UGT2A2: variants seen among roughly 807,000 people sequenced by gnomAD.
The protein encoded by UGT2A2 is UDP glucuronosyltransferase family 2 member A2.
A neutral mutation model predicts 50.7 loss-of-function variants in UGT2A2; 60 were observed. That is an observed-to-expected ratio of 1.18 (90% CI 0.96 to 1.47). The LOEUF is 1.47. Ranked by LOEUF, UGT2A2 falls within the 40% of genes most tolerant of loss-of-function variation. The probability of loss-of-function intolerance (pLI) is 0.00; values close to 1 mark genes in which losing one functional copy is unlikely to be tolerated. For synonymous variants in UGT2A2, 242 were observed against 214.6 expected (o/e 1.13, Z -1.11); for missense variants, 762 against 634.0 (o/e 1.20, Z -2.17).
chr4:69,636,632 A>G (rs1721726687), intron 1 of UGT2A2, among the ~76,000 whole-genome samples: 1 of 152,168 alleles, frequency 6.6e-6, no homozygotes, highest in African/African-American at 2.4e-5. Context: ...AAGGTTTAGT[A>G]CATACCAGAA....
chr4:69,589,218 A>C lies in UGT2A2; in HGVS notation c.*154T>G, dbSNP rs1294617098. The C allele has an allele frequency of 4.1e-6, 4 of 977,288 alleles. No individual in the cohort carries two copies. In the East Asian group the frequency reaches 1.1e-4, roughly 27 times the overall value. The allele number at this position is 977,288 out of a possible 1,614,324, so 60.5% of individuals were successfully genotyped here. ...ATAATCATGCCAAAATCTAGGCTTT[A>C]TCAGTAGGCTTATCGCAGGTAGAGA... On this transcript the variant is annotated 3_prime_UTR_variant, in exon 6 of 6. Transcript: ENST00000604629.
chr4:69,639,529 C>G lies in UGT2A2; in HGVS notation c.112G>C (p.Asp38His). 6.2e-6 allele frequency: 10 copies of G among 1,613,244 alleles called. No individual in the cohort carries two copies. The highest frequency in any genetic ancestry group is 8.5e-6 in the Non-Finnish European group (10 of 1,179,544). ...LSGNVLIWPT[D>H]GSHWLNIKII... ...TTAATATTTAACCAATGGCTACCAT[C>G]TGTAGGCCAAATTAACACATTCCCA... Residue 38 changes from aspartate (D) to histidine (H), a missense_variant, in exon 1 of 6, where the codon GAT (aspartate) becomes CAT (histidine). Physicochemically the swap from Asp to His is moderately conservative, Grantham distance 81 (BLOSUM62 -1). Coordinates refer to ENST00000604629, the MANE Select transcript of UGT2A2 (RefSeq NM_001105677.2).
intron 5 of UGT2A2, among the ~76,000 whole-genome samples, chr4:69,592,287 C>T (rs1718637224): frequency 6.6e-6 from 1 of 151,832 alleles, no homozygotes; most frequent in African/African-American, 2.4e-5. Context: ...CAATTAAGTC[C>T]AATACAACAT....
chr4:69,594,434 T>A (rs144768656), intron 5 of UGT2A2, 43 bp downstream of exon 5: 2 of 1,600,668 alleles, frequency 1.2e-6, no homozygotes, highest in East Asian at 4.5e-5. Flanking sequence ...TTATGAATAA[T>A]GTAATTAAAG....
At chr4:69,607,465 C>T (rs1411456901) in intron 1 of UGT2A2, among the ~76,000 whole-genome samples, 14 of 151,916 alleles carry the variant, frequency 9.2e-5, no homozygotes, top group African/African-American at 3.4e-4. Context: ...CCATAAAAAC[C>T]CTAGAAGAAA....
chr4:69,595,115 C>G (rs752513302), intron 4 of UGT2A2, 47 bp downstream of exon 4: 6 of 1,605,268 alleles, frequency 3.7e-6, no homozygotes, highest in South Asian at 3.3e-5. Flanking sequence ...AGTTACTTAA[C>G]TTGTCTATTG....
At chr4:69,614,874 G>T (rs1336381620) in intron 1 of UGT2A2, among the ~76,000 whole-genome samples, 1 of 152,032 alleles carries the variant, frequency 6.6e-6, no homozygotes, top group African/African-American at 2.4e-5. Context: ...CAGTTCCACA[G>T]GCTGTACAGG....
At chr4:69,607,920 A>G (rs909776841) in intron 1 of UGT2A2, among the ~76,000 whole-genome samples, 6 of 152,196 alleles carry the variant, frequency 3.9e-5, no homozygotes, top group Non-Finnish European at 8.8e-5. Context: ...TCAGGAAACA[A>G]CAGGTGCTGG....
chr4:69,611,075 T>C (rs183467314), intron 1 of UGT2A2, among the ~76,000 whole-genome samples: 1 of 151,972 alleles, frequency 6.6e-6, no homozygotes, highest in African/African-American at 2.4e-5. Context: ...AATAGGCAAA[T>C]AATTTTAAAA....
At chr4:69,630,702 G>T (rs974328833) in intron 1 of UGT2A2, among the ~76,000 whole-genome samples, 1 of 152,094 alleles carries the variant, frequency 6.6e-6, no homozygotes. Flanking sequence ...TAGCCAAGAT[G>T]CCAAGGATGT....
At chr4:69,614,263 A>G (rs2109923302) in intron 1 of UGT2A2, among the ~76,000 whole-genome samples, 1 of 152,180 alleles carries the variant, frequency 6.6e-6, no homozygotes, top group Middle Eastern at 3.4e-3. Context: ...AAACTGAATC[A>G]AATACGAGAA....
At chr4:69,619,316 T>G (rs907161850) in intron 1 of UGT2A2, among the ~76,000 whole-genome samples, 1 of 151,780 alleles carries the variant, frequency 6.6e-6, no homozygotes, top group East Asian at 1.9e-4. Context: ...GGAGAATTGC[T>G]TGAGCCTGGG....
At chr4:69,636,001 A>AGG (rs1483887774) in intron 1 of UGT2A2, among the ~76,000 whole-genome samples, 1 of 152,042 alleles carries the variant, frequency 6.6e-6, no homozygotes, top group African/African-American at 2.4e-5. Flanking sequence ...TAGCTATTAA[A>AGG]GGTATTTTTA....
chr4:69,629,648 C>A lies in UGT2A2; in HGVS notation c.742+9251G>T, dbSNP rs1176072352. On this transcript the variant is annotated intron_variant, in intron 1 of 5. Coordinates refer to ENST00000604629, the MANE Select transcript of UGT2A2 (RefSeq NM_001105677.2). ...AGTTGATAAAACTGCATCCCGTCAC[C>A]ACATATCATTTCTAGGAATATTAAA... Among the ~76,000 whole-genome samples the A allele has an allele frequency of 3.3e-5, 5 of 152,010 alleles. No individual in the cohort carries two copies. In the East Asian group the frequency reaches 9.7e-4, roughly 29 times the overall value.
chr4:69,623,851 A>G (rs571146799), intron 1 of UGT2A2, among the ~76,000 whole-genome samples: 7 of 151,686 alleles, frequency 4.6e-5, no homozygotes, highest in Non-Finnish European at 1.0e-4. Flanking sequence ...ATAAAAATAA[A>G]GACTTGAGCA....
chr4:69,590,849 T>TACACTAATGTTTTATGAC (rs1718556587), intron 5 of UGT2A2, among the ~76,000 whole-genome samples: 1 of 152,230 alleles, frequency 6.6e-6, no homozygotes, highest in African/African-American at 2.4e-5. Flanking sequence ...TGTTTTATTA[T>TACACTAATGTTTTATGAC]ACACTAATGT....
intron 1 of UGT2A2, among the ~76,000 whole-genome samples, chr4:69,634,081 T>TA (rs552939705): frequency 1.3e-5 from 2 of 151,876 alleles, no homozygotes; most frequent in South Asian, 4.2e-4. Flanking sequence ...CCGTCTCTAC[T>TA]AAAAATACAA....
intron 3 of UGT2A2, 33 bp downstream of exon 3, chr4:69,596,217 A>C: frequency 6.8e-7 from 1 of 1,465,362 alleles, no homozygotes; most frequent in Non-Finnish European, 9.1e-7. Context: ...CATTAGTAAA[A>C]AGCTGTGTAC....
intron 1 of UGT2A2, among the ~76,000 whole-genome samples, chr4:69,612,428 G>A (rs573023020): frequency 2.0e-5 from 3 of 151,884 alleles, no homozygotes; most frequent in Admixed American, 6.6e-5. Context: ...CCAAAATAAA[G>A]TGAGAATAGC....
Sources: gnomAD v4.1 joint callset for allele counts (sites outside exome capture counted in the v4.1 genomes callset) on GRCh38, gnomAD v4.1.1 for gene constraint, MANE v1.5 for transcripts, NCBI Gene and HGNC (gene_info 2026-07-23, HGNC 2026-07-21) for gene names.